The following PGAP1 variants were observed in gnomAD, a reference collection of about 807,000 sequenced individuals.
PGAP1 encodes the protein GPI inositol-deacylase.
A neutral mutation model predicts 127.0 loss-of-function variants in PGAP1; 76 were observed. The ratio of observed to expected loss-of-function variants is 0.60; its 90% CI spans 0.50 to 0.72. The LOEUF (loss-of-function observed/expected upper bound fraction) is 0.72. Ranked by LOEUF, PGAP1 falls within the 30% of genes least tolerant of loss-of-function variation. PGAP1 has a pLI of 0.00. For synonymous variants in PGAP1, 362 were observed against 366.5 expected (o/e 0.99, Z 0.14); for missense variants, 982 against 1,071.3 (o/e 0.92, Z 1.16).
intron 26 of PGAP1, among the ~76,000 whole-genome samples, chr2:196,841,640 C>T (rs970106483): frequency 2.8e-4 from 43 of 152,274 alleles, no homozygotes; most frequent in African/African-American, 9.9e-4. Flanking sequence ...GCCTCAGCCT[C>T]CCGAGTAGCT....
chr2:196,926,332 G>A, intron 1 of PGAP1, 138 bp downstream of exon 1: 1 of 1,321,282 alleles, frequency 7.6e-7, no homozygotes, highest in Non-Finnish European at 1.0e-6. Context: ...GTCTCCCCGG[G>A]CGGAGAAAAC....
At chr2:196,886,537 T>TG (rs748246092) in intron 10 of PGAP1, among the ~76,000 whole-genome samples, 7 of 152,196 alleles carry the variant, frequency 4.6e-5, no homozygotes, top group Non-Finnish European at 1.0e-4. Flanking sequence ...GTCCATACTT[T>TG]AATTAGATAG....
intron 19 of PGAP1, among the ~76,000 whole-genome samples, chr2:196,870,299 CT>C (rs762457188): frequency 4.0e-3 from 559 of 139,700 alleles, no homozygotes; most frequent in East Asian, 0.021. Flanking sequence ...TTCTTTCTTT[CT>C]TTTTTTTTTT....
At chr2:196,895,760 C>T (rs1702249982) in intron 7 of PGAP1, among the ~76,000 whole-genome samples, 1 of 152,152 alleles carries the variant, frequency 6.6e-6, no homozygotes, top group Non-Finnish European at 1.5e-5. Context: ...GGTAAAGGTG[C>T]TTTCCTCATT....
chr2:196,914,122 C>T (rs796812881), intron 3 of PGAP1, among the ~76,000 whole-genome samples: 1 of 152,254 alleles, frequency 6.6e-6, no homozygotes, highest in African/African-American at 2.4e-5. Context: ...TGCTCTGAAA[C>T]CTATCCCCTT....
In PGAP1 at chr2:196,880,123, A is replaced by C. The variant is rs1381012544; in HGVS notation, c.1303T>G (p.Ser435Ala). The C allele has an allele frequency of 6.3e-7, 1 of 1,593,602 alleles. No individual in the cohort carries two copies. Among genetic ancestry groups the C allele is most frequent in the Non-Finnish European group, 8.6e-7 (1 of 1,169,230 alleles). ...YLTLRLQDYP[S>A]LSHLVVYVPS... ...ACATAAACAACAAGATGAGACAAAGATGGATAGTCTTGAAGTCTTAATGTC... is the reference window on the plus strand; with the variant it reads ...ACATAAACAACAAGATGAGACAAAGCTGGATAGTCTTGAAGTCTTAATGTC... Residue 435 changes from serine (S) to alanine (A), a missense_variant, in exon 13 of 27, where the codon TCT becomes GCT. Coordinates refer to ENST00000354764, the MANE Select transcript of PGAP1 (RefSeq NM_024989.4).
chr2:196,848,047 T>TA lies in PGAP1; in HGVS notation c.1862-11dup, dbSNP rs764627580. 8.3e-6 allele frequency: 13 copies of TA among 1,573,938 alleles called. No homozygotes were observed. The highest frequency in any genetic ancestry group is 5.5e-5 in the African/African-American group (4 of 72,800). On this transcript the variant is annotated splice_polypyrimidine_tract_variant and intron_variant, in intron 20 of 26. Transcript: ENST00000354764. ...TATTCTAAGCAACAACCTGGTGATT[T>TA]AAAAAAAGTTACATGCAATTTACAG...
intron 4 of PGAP1, among the ~76,000 whole-genome samples, chr2:196,904,600 C>G (rs1162706518): frequency 1.3e-5 from 2 of 152,192 alleles, no homozygotes; most frequent in Admixed American, 6.5e-5. Context: ...TGGTGGCATG[C>G]ACCTGTAGTC....
At chr2:196,857,166 G>T (rs1210180789) in intron 20 of PGAP1, among the ~76,000 whole-genome samples, 6 of 152,178 alleles carry the variant, frequency 3.9e-5, no homozygotes, top group Non-Finnish European at 7.4e-5. Context: ...CGGCTCAAAA[G>T]CTCCTTCAGT....
At chr2:196,873,609 A>G (rs768997626) in intron 15 of PGAP1, 30 bp from the exon 16 acceptor site, 1 of 1,602,486 alleles carries the variant, frequency 6.2e-7, no homozygotes, top group Non-Finnish European at 8.5e-7. Context: ...AAAACAAAAT[A>G]TAAAGGTTTA....
At chr2:196,921,368 T>C (rs1395921657) in intron 1 of PGAP1, among the ~76,000 whole-genome samples, 1 of 152,108 alleles carries the variant, frequency 6.6e-6, no homozygotes, top group East Asian at 1.9e-4. Flanking sequence ...AATACAGAAA[T>C]ACTAACCCCA....
intron 4 of PGAP1, among the ~76,000 whole-genome samples, chr2:196,903,387 C>A: frequency 6.6e-6 from 1 of 151,464 alleles, no homozygotes; most frequent in East Asian, 1.9e-4. Context: ...ATGGTGAAAG[C>A]CCATCTCTAC....
At chr2:196,905,336 T>C (rs375353950) in intron 4 of PGAP1, among the ~76,000 whole-genome samples, 1 of 152,200 alleles carries the variant, frequency 6.6e-6, no homozygotes, top group African/African-American at 2.4e-5. Flanking sequence ...TTAAGATTAT[T>C]AGACTACAAC....
At chr2:196,841,766 C>T (rs183131260) in intron 26 of PGAP1, among the ~76,000 whole-genome samples, 33 of 152,288 alleles carry the variant, frequency 2.2e-4, no homozygotes, top group Admixed American at 1.2e-3. Flanking sequence ...ATCCACCCGC[C>T]TTGGCCTCCC....
At position 196,844,534 on chromosome 2, in the gene PGAP1, C is replaced by T. The variant is rs1177010707; in HGVS notation, c.2327G>A (p.Ser776Asn). Reference sequence around the variant, plus strand: ...GAAAATAAAACTTACCACAGGCTGGCTATTCTTAAAAGTTGTTAAGCTGGC... The same window carrying T: ...GAAAATAAAACTTACCACAGGCTGGTTATTCTTAAAAGTTGTTAAGCTGGC... ...LQASLTTFKNSQPVNPKHSRR... is the reference protein window; with the variant it reads ...LQASLTTFKNNQPVNPKHSRR... Residue 776 changes from serine to asparagine, a missense_variant, in exon 24 of 27, where the codon AGC becomes AAC. Ser to Asn is a conservative substitution (Grantham distance 46, BLOSUM62 1). Coordinates refer to ENST00000354764, the MANE Select transcript of PGAP1 (RefSeq NM_024989.4). 1.9e-6 allele frequency: 3 copies of T among 1,595,930 alleles called. No individual in the cohort carries two copies. The highest frequency in any genetic ancestry group is 2.6e-6 in the Non-Finnish European group (3 of 1,172,772).
At chr2:196,886,336 T>G (rs1701902237) in intron 10 of PGAP1, among the ~76,000 whole-genome samples, 1 of 151,772 alleles carries the variant, frequency 6.6e-6, no homozygotes, top group Non-Finnish European at 1.5e-5. Flanking sequence ...AATTTTTGTA[T>G]TTTTAGTAGA....
chr2:196,853,354 C>T (rs573026440), intron 20 of PGAP1, among the ~76,000 whole-genome samples: 2 of 152,310 alleles, frequency 1.3e-5, no homozygotes, highest in South Asian at 4.1e-4. Flanking sequence ...ATTCTATATT[C>T]TTGGCTTTTC....
chr2:196,842,244 G>A (rs1010323762), intron 26 of PGAP1, among the ~76,000 whole-genome samples: 4 of 152,088 alleles, frequency 2.6e-5, no homozygotes, highest in East Asian at 1.9e-4. Flanking sequence ...ACTCCAGGTC[G>A]GCCTGATTCT....
At position 196,872,968 on chromosome 2, in the gene PGAP1, G is replaced by T; in HGVS notation, c.1611C>A (p.Thr537=). ...HIPWSYEDSL[T]IAQAPSSTEI... ...TTCTTTCAAATACTTACTGTGCAAT[G>T]GTTAGTGAATCTTCATAAGACCAAG... The change falls in exon 17 of 27, where the codon ACC becomes ACA. Residue 537 remains threonine (T), a synonymous_variant. Coordinates refer to ENST00000354764, the MANE Select transcript of PGAP1 (RefSeq NM_024989.4). 4 of 1,030,694 alleles carry T rather than the reference G, an allele frequency of 3.9e-6. No homozygotes were observed. Among genetic ancestry groups the T allele is most frequent in the Non-Finnish European group, 5.8e-6 (4 of 686,616 alleles). The allele number at this position is 1,030,694 out of a possible 1,614,324, so 63.8% of individuals were successfully genotyped here. A position where few individuals can be genotyped will look rare whatever the true frequency, so the allele number is the denominator to read the frequency against.
Sources: allele counts gnomAD v4.1 joint callset (sites outside exome capture counted in the v4.1 genomes callset), GRCh38; gene constraint gnomAD v4.1.1; transcripts MANE v1.5; gene names NCBI Gene and HGNC (gene_info 2026-07-23, HGNC 2026-07-21).